SOX5: variants seen among roughly 807,000 people sequenced by gnomAD.
SOX5 encodes the protein SRY-box transcription factor 5.
In SOX5, 9 loss-of-function variants were observed where a neutral mutation model predicts 92.0. The ratio of observed to expected loss-of-function variants is 0.10; its 90% CI spans 0.06 to 0.17. SOX5 has a LOEUF of 0.17. Among genes scored for constraint, SOX5 ranks in the 10% least tolerant of loss-of-function variants. The pLI is 1.00. For missense variants in SOX5, 642 were observed against 944.5 expected (o/e 0.68, Z 4.20); for synonymous variants, 344 against 336.3 (o/e 1.02, Z -0.25).
intron 3 of SOX5, among the ~76,000 whole-genome samples, chr12:24,228,447 C>T (rs987892260): frequency 4.6e-5 from 7 of 152,126 alleles, no homozygotes; most frequent in Non-Finnish European, 7.4e-5. Context: ...TTTGTGACAA[C>T]ATTTTTGTCC....
chr12:24,015,930 A>G (rs1335356582), intron 4 of SOX5, among the ~76,000 whole-genome samples: 2 of 152,120 alleles, frequency 1.3e-5, no homozygotes, highest in Non-Finnish European at 2.9e-5. Context: ...CAGAAAAAAA[A>G]AAAAAATCAC....
chr12:24,402,652 T>C (rs1962015781), intron 1 of SOX5, among the ~76,000 whole-genome samples: 1 of 152,152 alleles, frequency 6.6e-6, no homozygotes, highest in African/African-American at 2.4e-5. Context: ...GTGGGCACTT[T>C]GATGTCACCT....
At chr12:23,942,255 A>G (rs1943785501) in intron 1 of SOX5, among the ~76,000 whole-genome samples, 1 of 151,854 alleles carries the variant, frequency 6.6e-6, no homozygotes, top group South Asian at 2.1e-4. Flanking sequence ...TTTATTAGAT[A>G]AATATAAAAT....
chr12:24,455,659 T>A (rs1056363532), intron 1 of SOX5, among the ~76,000 whole-genome samples: 3 of 152,192 alleles, frequency 2.0e-5, no homozygotes, highest in African/African-American at 7.2e-5. Flanking sequence ...CTGAAAGTGA[T>A]AGCATTCCAA....
At chr12:23,919,625 T>C (rs1309225561) in intron 1 of SOX5, among the ~76,000 whole-genome samples, 1 of 152,086 alleles carries the variant, frequency 6.6e-6, no homozygotes, top group Non-Finnish European at 1.5e-5. Context: ...TATTCCTATC[T>C]CTACTTTACG....
At chr12:23,829,378 T>G (rs2096279848) in intron 3 of SOX5, among the ~76,000 whole-genome samples, 1 of 152,110 alleles carries the variant, frequency 6.6e-6, no homozygotes, top group South Asian at 2.1e-4. Flanking sequence ...CTGCCCAGAT[T>G]AGAGTGTTAC....
At chr12:23,755,173 A>C (rs746203909) in intron 4 of SOX5, among the ~76,000 whole-genome samples, 40 of 151,668 alleles carry the variant, frequency 2.6e-4, no homozygotes, top group Non-Finnish European at 3.8e-4. Flanking sequence ...ACCAAAACAA[A>C]TTGTTACCTT....
intron 4 of SOX5, among the ~76,000 whole-genome samples, chr12:24,165,035 C>A (rs1169666871): frequency 6.6e-6 from 1 of 151,988 alleles, no homozygotes; most frequent in Non-Finnish European, 1.5e-5. Flanking sequence ...AGATATCTTG[C>A]AAACACCTTT....
chr12:23,664,939 G>A (rs1464161918), intron 7 of SOX5, among the ~76,000 whole-genome samples: 1 of 152,138 alleles, frequency 6.6e-6, no homozygotes, highest in Non-Finnish European at 1.5e-5. Flanking sequence ...CCTAATCTGA[G>A]CTAGAAGCAC....
intron 4 of SOX5, among the ~76,000 whole-genome samples, chr12:24,160,061 A>G (rs1952594840): frequency 2.0e-5 from 3 of 152,030 alleles, no homozygotes. Flanking sequence ...ACTCCCTCGA[A>G]CAATAGAAAA....
At chr12:23,569,149 G>A (rs1411633427) in intron 10 of SOX5, among the ~76,000 whole-genome samples, 1 of 152,128 alleles carries the variant, frequency 6.6e-6, no homozygotes, top group Non-Finnish European at 1.5e-5. Context: ...ATGTTCACCT[G>A]CCACTGCACT....
In SOX5 at chr12:23,614,181, G is replaced by C. The variant is rs933797696; in HGVS notation, c.1018-9648C>G. ...CTACATATGTCCTCAAGGAAGTGCA[G>C]GATGAAGTTAAAATGCAAGAATATT... On this transcript the variant is annotated intron_variant, in intron 8 of 14. Transcript: ENST00000451604. Among the ~76,000 whole-genome samples, 3 of 152,174 alleles carry C rather than the reference G, an allele frequency of 2.0e-5. No homozygotes were observed. In the East Asian group the frequency reaches 5.8e-4, roughly 29 times the overall value.
chr12:23,780,521 A>G (rs1415979049), intron 3 of SOX5, among the ~76,000 whole-genome samples: 1 of 152,034 alleles, frequency 6.6e-6, no homozygotes, highest in Non-Finnish European at 1.5e-5. Context: ...GTAATAAAAA[A>G]TTAGAGAAGA....
At chr12:24,271,551 T>TCTCTA (rs1435709023) in intron 3 of SOX5, among the ~76,000 whole-genome samples, 2 of 152,148 alleles carry the variant, frequency 1.3e-5, no homozygotes, top group African/African-American at 4.8e-5. Flanking sequence ...AAAGAATCCT[T>TCTCTA]CTCTACTCCT....
chr12:23,972,759 A>G (rs529364528), intron 4 of SOX5, among the ~76,000 whole-genome samples: 3 of 152,290 alleles, frequency 2.0e-5, no homozygotes, highest in Non-Finnish European at 2.9e-5. Context: ...TATATTGTGG[A>G]CAGATTAAAT....
At chr12:24,323,197 A>C (rs553384112) in intron 2 of SOX5, among the ~76,000 whole-genome samples, 58 of 152,102 alleles carry the variant, frequency 3.8e-4, no homozygotes, top group South Asian at 8.3e-4. Context: ...CATTGTGGTA[A>C]GGCAATGTAA....
At chr12:23,880,180 T>C (rs143021505) in intron 2 of SOX5, among the ~76,000 whole-genome samples, 1 of 152,296 alleles carries the variant, frequency 6.6e-6, no homozygotes, top group Non-Finnish European at 1.5e-5. Flanking sequence ...TGTAAGTGCA[T>C]ATATCACACA....
intron 1 of SOX5, among the ~76,000 whole-genome samples, chr12:24,375,693 G>A (rs1045867525): frequency 2.1e-5 from 3 of 143,842 alleles, no homozygotes; most frequent in South Asian, 2.2e-4. Flanking sequence ...GCAAGATCAC[G>A]CCATTGCACT....
At chr12:23,791,281 C>T (rs150825200) in intron 3 of SOX5, among the ~76,000 whole-genome samples, 2 of 152,240 alleles carry the variant, frequency 1.3e-5, no homozygotes, top group East Asian at 3.9e-4. Context: ...TGCAAGTGTG[C>T]TTGAATTTCC....
Sources: gnomAD v4.1 joint callset for allele counts (sites outside exome capture counted in the v4.1 genomes callset) on GRCh38, gnomAD v4.1.1 for gene constraint, MANE v1.5 for transcripts, NCBI Gene and HGNC (gene_info 2026-07-23, HGNC 2026-07-21) for gene names.